ZBTB7C: variants seen among roughly 807,000 people sequenced by gnomAD.
ZBTB7C encodes zinc finger and BTB domain-containing protein 7C.
ZBTB7C carries 8 observed loss-of-function variants against 25.7 expected under a neutral mutation model. That is an observed-to-expected ratio of 0.31 (90% confidence interval 0.18 to 0.56). The LOEUF is 0.56. ZBTB7C is among the 20% of genes least tolerant of loss of function. The pLI, the probability that ZBTB7C is intolerant of heterozygous loss-of-function variation, is 0.91. For missense variants in ZBTB7C, 824 were observed against 855.2 expected (o/e 0.96, Z 0.46); for synonymous variants, 394 against 369.0 (o/e 1.07, Z -0.78).
chr18:48,280,160 G>A (rs989331476), intron 2 of ZBTB7C, among the ~76,000 whole-genome samples: 1 of 152,090 alleles, frequency 6.6e-6, no homozygotes, highest in African/African-American at 2.4e-5. Flanking sequence ...TGTATTGGAG[G>A]GTGCTGAGTG....
chr18:48,265,027 G>A (rs2044271878), intron 2 of ZBTB7C, among the ~76,000 whole-genome samples: 2 of 152,180 alleles, frequency 1.3e-5, no homozygotes, highest in Non-Finnish European at 2.9e-5. Flanking sequence ...TAGGAGGAGG[G>A]ATCTGCCTTC....
chr18:48,262,552 C>T (rs774536781), intron 2 of ZBTB7C, among the ~76,000 whole-genome samples: 1 of 152,182 alleles, frequency 6.6e-6, no homozygotes, highest in Non-Finnish European at 1.5e-5. Flanking sequence ...GCTCAGAAAA[C>T]AGCACCAGTG....
intron 1 of ZBTB7C, among the ~76,000 whole-genome samples, chr18:48,352,514 C>T (rs1026969337): frequency 1.3e-5 from 2 of 152,190 alleles, no homozygotes; most frequent in African/African-American, 2.4e-5. Flanking sequence ...GGCACAGTCT[C>T]ACCCTGTGGT....
intron 3 of ZBTB7C, among the ~76,000 whole-genome samples, chr18:48,041,984 A>ATAAAG (rs1460039426): frequency 2.6e-5 from 4 of 152,218 alleles, no homozygotes; most frequent in East Asian, 1.9e-4. Context: ...TATGTTATAC[A>ATAAAG]TAAAGTATGG....
chr18:48,202,093 G>T (rs1268872480), intron 2 of ZBTB7C, among the ~76,000 whole-genome samples: 1 of 152,222 alleles, frequency 6.6e-6, no homozygotes, highest in Non-Finnish European at 1.5e-5. Context: ...CAGGGACTTT[G>T]CCTGGGTGAT....
intron 3 of ZBTB7C, among the ~76,000 whole-genome samples, chr18:48,171,772 C>A (rs985390651): frequency 1.3e-5 from 2 of 152,268 alleles, no homozygotes; most frequent in African/African-American, 4.8e-5. Context: ...GGCACTCTGA[C>A]TACTTTATGT....
intron 2 of ZBTB7C, among the ~76,000 whole-genome samples, chr18:48,310,528 A>G (rs2045791761): frequency 6.6e-6 from 1 of 151,970 alleles, no homozygotes; most frequent in African/African-American, 2.4e-5. Context: ...GGCCAGTGAG[A>G]GAAAGACTTT....
chr18:48,297,328 C>T (rs1037423118), intron 2 of ZBTB7C, among the ~76,000 whole-genome samples: 9 of 152,146 alleles, frequency 5.9e-5, no homozygotes, highest in South Asian at 2.1e-4. Context: ...TAGTAGTATG[C>T]TGTGTTTGCC....
intron 1 of ZBTB7C, among the ~76,000 whole-genome samples, chr18:48,403,717 G>T (rs1486285832): frequency 6.6e-6 from 1 of 152,014 alleles, no homozygotes; most frequent in African/African-American, 2.4e-5. Flanking sequence ...CTGCACATTG[G>T]GTACAGTGTA....
intron 1 of ZBTB7C, among the ~76,000 whole-genome samples, chr18:48,388,951 T>C (rs887257424): frequency 6.6e-6 from 1 of 152,138 alleles, no homozygotes; most frequent in Non-Finnish European, 1.5e-5. Flanking sequence ...AAGACTACAC[T>C]CCACCTTGTT....
intron 3 of ZBTB7C, among the ~76,000 whole-genome samples, chr18:48,105,194 C>G (rs1385107316): frequency 6.6e-6 from 1 of 152,212 alleles, no homozygotes; most frequent in African/African-American, 2.4e-5. Context: ...GAGTCAGGAA[C>G]AGGATTTAGA....
intron 3 of ZBTB7C, among the ~76,000 whole-genome samples, chr18:48,102,286 G>A (rs1414113387): frequency 6.6e-6 from 1 of 152,210 alleles, no homozygotes; most frequent in Non-Finnish European, 1.5e-5. Flanking sequence ...CCTAACGGCA[G>A]GGTGCAGTGG....
chr18:48,110,846 C>T (rs1239996865), intron 3 of ZBTB7C, among the ~76,000 whole-genome samples: 3 of 152,124 alleles, frequency 2.0e-5, no homozygotes, highest in Non-Finnish European at 4.4e-5. Context: ...ACTGGAACCA[C>T]GTTCTTGGGG....
At position 48,026,961 on chromosome 18, in the gene ZBTB7C, G is replaced by A. The variant is rs1254321284; in HGVS notation, c.*2299C>T. On this transcript the variant is annotated 3_prime_UTR_variant, in exon 5 of 5. Coordinates refer to ENST00000590800, the MANE Select transcript of ZBTB7C (RefSeq NM_001318841.2). ...TTTTTCTCGGCGGGATGTGGCGTGC[G>A]ACCGAAGTTATGGAAGATTGTCCCT... The A allele has an allele frequency of 1.3e-5, 2 of 151,620 alleles. No individual in the cohort carries two copies. The highest frequency in any genetic ancestry group is 2.9e-5 in the Non-Finnish European group (2 of 67,946). 9.4% of individuals were successfully genotyped at this position (151,620 alleles called of 1,614,324 possible). A position where few individuals can be genotyped will look rare whatever the true frequency, so the allele number is the denominator to read the frequency against.
chr18:48,224,490 C>G lies in ZBTB7C; in HGVS notation c.-78-38495G>C, dbSNP rs73955665. 6.6e-3 allele frequency among the ~76,000 whole-genome samples: 999 copies of G among 152,296 alleles called. 12 individuals are homozygous for G. The highest frequency in any genetic ancestry group is 0.022 in the African/African-American group (920 of 41,568). On this transcript the variant is annotated intron_variant, in intron 2 of 4. Transcript: ENST00000590800. ...CTGAGGGAAGGGAAGCCAGTGAGGA[C>G]AGCAGACATGCCGGGGCCTCAGCCT...
At chr18:48,077,522 C>G (rs1440839734) in intron 3 of ZBTB7C, among the ~76,000 whole-genome samples, 2 of 152,230 alleles carry the variant, frequency 1.3e-5, no homozygotes, top group African/African-American at 4.8e-5. Flanking sequence ...GAGCCTAGTA[C>G]AGGGCCTGGC....
At chr18:48,359,294 C>T (rs929880319) in intron 1 of ZBTB7C, among the ~76,000 whole-genome samples, 14 of 151,970 alleles carry the variant, frequency 9.2e-5, no homozygotes, top group African/African-American at 2.9e-4. Context: ...CATTTTTCAC[C>T]CTAGGGTGAA....
At chr18:48,285,230 T>A (rs1049376746) in intron 2 of ZBTB7C, among the ~76,000 whole-genome samples, 2 of 152,244 alleles carry the variant, frequency 1.3e-5, no homozygotes, top group Non-Finnish European at 2.9e-5. Context: ...ACAAAAGGTA[T>A]GTTTAAAATC....
chr18:48,258,975 A>T (rs1256166471), intron 2 of ZBTB7C, among the ~76,000 whole-genome samples: 1 of 151,738 alleles, frequency 6.6e-6, no homozygotes, highest in Admixed American at 6.6e-5. Flanking sequence ...TTTGACACTG[A>T]GTCTTGCTCT....
Sources: gnomAD v4.1 joint callset for allele counts (sites outside exome capture counted in the v4.1 genomes callset) on GRCh38, gnomAD v4.1.1 for gene constraint, MANE v1.5 for transcripts, NCBI Gene and HGNC (gene_info 2026-07-23, HGNC 2026-07-21) for gene names.